The following TCF3 variants were observed in gnomAD, a reference collection of about 807,000 sequenced individuals.
The protein encoded by TCF3 is transcription factor E2-alpha.
TCF3 carries 54 observed loss-of-function variants against 72.3 expected under a neutral mutation model. That is an observed-to-expected ratio of 0.75 (90% confidence interval 0.60 to 0.94). TCF3 has a LOEUF of 0.94. Ranked by LOEUF, TCF3 falls within the 40% of genes least tolerant of loss-of-function variation. The pLI is 0.00. For missense variants in TCF3, 1,078 were observed against 934.4 expected (o/e 1.15, Z -2.00); for synonymous variants, 525 against 412.6 (o/e 1.27, Z -3.30).
intron 3 of TCF3, among the ~76,000 whole-genome samples, chr19:1,644,205 A>G (rs1194809054): frequency 6.6e-6 from 1 of 152,156 alleles, no homozygotes; most frequent in Non-Finnish European, 1.5e-5. Context: ...GCTGAACCTG[A>G]CGATGGAAGA....
intron 11 of TCF3, 110 bp downstream of exon 11, chr19:1,621,728 G>T: frequency 7.3e-7 from 1 of 1,374,232 alleles, no homozygotes; most frequent in South Asian, 1.5e-5. Flanking sequence ...CGCTCTCAGG[G>T]CCAGCAGACG....
chr19:1,641,130 C>G (rs929321571), intron 3 of TCF3, among the ~76,000 whole-genome samples: 1 of 147,954 alleles, frequency 6.8e-6, no homozygotes, highest in African/African-American at 2.5e-5. Flanking sequence ...CCACTGCACT[C>G]CAGCCTGGGC....
Position 1,651,449 on chromosome 19 carries a change from C to G in TCF3, c.-40+851G>C, listed in dbSNP as rs184899399. Reference sequence around the variant, plus strand: ...TTTTTTGGAGGGCGTGTGAAACTGACTTTTTTTGAGGACTACGAAACCGCA... The same window carrying G: ...TTTTTTGGAGGGCGTGTGAAACTGAGTTTTTTTGAGGACTACGAAACCGCA... On this transcript the variant is annotated intron_variant, in intron 1 of 18. Coordinates refer to ENST00000262965, the MANE Select transcript of TCF3 (RefSeq NM_003200.5). 2.7e-3 allele frequency: 608 copies of G among 225,924 alleles called. 2 individuals are homozygous for G. Among genetic ancestry groups the G allele is most frequent in the Non-Finnish European group, 4.2e-3 (471 of 113,410 alleles). The allele number at this position is 225,924 out of a possible 1,614,324, so 14.0% of individuals were successfully genotyped here.
At chr19:1,624,620 T>C (rs529317705) in intron 7 of TCF3, among the ~76,000 whole-genome samples, 1 of 152,304 alleles carries the variant, frequency 6.6e-6, no homozygotes, top group South Asian at 2.1e-4. Context: ...CACTAGGGGC[T>C]GCTGTTTGCA....
Position 1,615,780 on chromosome 19 carries a change from T to C in TCF3, c.1492A>G (p.Lys498Glu), listed in dbSNP as rs375879528. 6.3e-7 allele frequency: 1 copy of C among 1,589,130 alleles called. No individual in the cohort carries two copies. The highest frequency in any genetic ancestry group is 1.3e-5 in the African/African-American group (1 of 74,516). ...TCCTCGTCCTCCTTCTCCTCCCGCT[T>C]GATCTCGCTGGCGGCCGCCGTGGCA... ...AGATAAASEI[K>E]REEKEDEENT... The change falls in exon 17 of 19, where the codon AAG (lysine) becomes GAG (glutamate). Residue 498 changes from lysine to glutamate, a missense_variant. Lys to Glu is a moderately conservative substitution (Grantham distance 56, BLOSUM62 1). Coordinates refer to ENST00000262965, the MANE Select transcript of TCF3 (RefSeq NM_003200.5). This position sits in a 1 kb window ranked among gnomAD's most constrained non-coding sequence, Gnocchi z 7.3.
At position 1,619,812 on chromosome 19, in the gene TCF3, A is replaced by T; in HGVS notation, c.1135T>A (p.Ser379Thr). ...WPRAGAPGALSPSYDGGLHGL... is the reference protein window; with the variant it reads ...WPRAGAPGALTPSYDGGLHGL... ...TGGAGACCCCCGTCGTAGCTGGGCGATAAGGCACCGGGGGCTCCTGCTCGA... is the reference window on the plus strand; with the variant it reads ...TGGAGACCCCCGTCGTAGCTGGGCGTTAAGGCACCGGGGGCTCCTGCTCGA... The change falls in exon 14 of 19, where the codon TCG becomes ACG. Residue 379 changes from serine to threonine, a missense_variant. Ser to Thr is a moderately conservative substitution (Grantham distance 58). Coordinates refer to ENST00000262965, the MANE Select transcript of TCF3 (RefSeq NM_003200.5). 6.4e-7 allele frequency: 1 copy of T among 1,572,806 alleles called. No homozygotes were observed. The highest frequency in any genetic ancestry group is 8.6e-7 in the Non-Finnish European group (1 of 1,160,088).
In TCF3 at chr19:1,611,535, T is replaced by C. The variant is rs2145702382; in HGVS notation, c.*172A>G. On this transcript the variant is annotated 3_prime_UTR_variant, in exon 19 of 19. Coordinates refer to ENST00000262965, the MANE Select transcript of TCF3 (RefSeq NM_003200.5). ...GGCCCCAGGGAGCTCCTGGACCCAG[T>C]GTCACCTTGGCCGCCCCCATCACTC... 1 of 877,420 alleles carries C rather than the reference T, an allele frequency of 1.1e-6. No individual in the cohort carries two copies. Among genetic ancestry groups the C allele is most frequent in the Non-Finnish European group, 1.7e-6 (1 of 602,484 alleles). 54.4% of individuals were successfully genotyped at this position (877,420 alleles called of 1,614,324 possible).
chr19:1,645,058 G>A (rs1453630889), intron 3 of TCF3, among the ~76,000 whole-genome samples: 2 of 152,066 alleles, frequency 1.3e-5, no homozygotes, highest in Non-Finnish European at 2.9e-5. Flanking sequence ...ACGTAGAGGG[G>A]AAGGCCAGTG....
chr19:1,624,826 T>G (rs567881769), intron 7 of TCF3, among the ~76,000 whole-genome samples: 140 of 152,218 alleles, frequency 9.2e-4, no homozygotes, highest in African/African-American at 3.2e-3. Context: ...CTTTTACGTT[T>G]TTGTGCTTTT....
At chr19:1,630,258 G>T (rs537779741) in intron 5 of TCF3, among the ~76,000 whole-genome samples, 1 of 152,180 alleles carries the variant, frequency 6.6e-6, no homozygotes, top group Admixed American at 6.5e-5. Flanking sequence ...CCGGCAGGGG[G>T]GCGGGGCCAG....
intron 3 of TCF3, among the ~76,000 whole-genome samples, chr19:1,633,534 T>C (rs961846659): frequency 6.6e-6 from 1 of 152,056 alleles, no homozygotes; most frequent in African/African-American, 2.4e-5. Flanking sequence ...GGTGCCTTTG[T>C]GTTAATCATT....
At chr19:1,651,961 C>T (rs972549831) in intron 1 of TCF3, among the ~76,000 whole-genome samples, 3 of 151,142 alleles carry the variant, frequency 2.0e-5, no homozygotes, top group African/African-American at 7.3e-5. Context: ...GGTCCCCGTG[C>T]GCCCGGGCTG....
chr19:1,621,928 A>G lies in TCF3; in HGVS notation c.865T>C (p.Ser289Pro), dbSNP rs2062279036. 1.9e-6 allele frequency: 3 copies of G among 1,605,232 alleles called. No individual in the cohort carries two copies. Among genetic ancestry groups the G allele is most frequent in the Non-Finnish European group, 2.5e-6 (3 of 1,177,020 alleles). Residue 289 changes from serine (S) to proline (P), a missense_variant, in exon 11 of 19, where the codon TCT becomes CCT. Transcript: ENST00000262965. ...HGAEVNGGLPSASSFSSAPGA... is the reference protein window; with the variant it reads ...HGAEVNGGLPPASSFSSAPGA... ...GGGGCTGAGGAGAAGGAGGATGCAG[A>G]TGGGAGCCCACCGTTCACCTCTGCT... is the stretch of plus-strand genomic sequence containing the variant.
intron 18 of TCF3, chr19:1,612,140 C>A: frequency 6.8e-7 from 1 of 1,470,412 alleles, no homozygotes; most frequent in Non-Finnish European, 9.1e-7. Context: ...ACAGGAGGAC[C>A]CCAGCATCTG....
In TCF3 at chr19:1,610,810, C is replaced by T. The variant is rs80101129; in HGVS notation, c.*897G>A. 2,952 of 229,330 alleles carry T rather than the reference C, an allele frequency of 0.013. 34 individuals carry two copies. The highest frequency in any genetic ancestry group is 0.02 in the Non-Finnish European group (2,320 of 116,198). The allele number at this position is 229,330 out of a possible 1,614,324, so 14.2% of individuals were successfully genotyped here. On this transcript the variant is annotated 3_prime_UTR_variant, in exon 19 of 19. Transcript: ENST00000262965. ...CGGCAGGGAAGCCCCAAGGTGCCTT[C>T]ATCAGGGAACGCCCACGCATCACTT... is the stretch of plus-strand genomic sequence containing the variant.
In TCF3 at chr19:1,610,576, G is replaced by C. The variant is rs913821453; in HGVS notation, c.*1131C>G. ...GCTCCAGGGTGTGGTCCCCATGCCA[G>C]GGGTCACTGGTCCCAACAAAATGCC... On this transcript the variant is annotated 3_prime_UTR_variant, in exon 19 of 19. Coordinates refer to ENST00000262965, the MANE Select transcript of TCF3 (RefSeq NM_003200.5). 1.7e-5 allele frequency: 4 copies of C among 231,570 alleles called. No homozygotes were observed. The highest frequency in any genetic ancestry group is 8.9e-5 in the African/African-American group (4 of 45,184). 14.3% of individuals were successfully genotyped at this position (231,570 alleles called of 1,614,324 possible).
chr19:1,644,054 C>A (rs1190649798), intron 3 of TCF3, among the ~76,000 whole-genome samples: 3 of 152,152 alleles, frequency 2.0e-5, no homozygotes, highest in Admixed American at 2.0e-4. Context: ...GATCCCACAG[C>A]TCCGGGGCTC....
rs2060909586 is a variant in TCF3 at position 1,610,556 on chromosome 19, A to G, written c.*1151T>C. The G allele has an allele frequency of 8.6e-6, 2 of 231,316 alleles. No individual in the cohort carries two copies. Among genetic ancestry groups the G allele is most frequent in the African/African-American group, 2.2e-5 (1 of 45,170 alleles). The allele number at this position is 231,316 out of a possible 1,614,324, so 14.3% of individuals were successfully genotyped here. A position where few individuals can be genotyped will look rare whatever the true frequency, so the allele number is the denominator to read the frequency against. ...CAGGAGGTCCCCAGCACCGGGCTCCAGGGTGTGGTCCCCATGCCAGGGGTC... is the reference window on the plus strand; with the variant it reads ...CAGGAGGTCCCCAGCACCGGGCTCCGGGGTGTGGTCCCCATGCCAGGGGTC... On this transcript the variant is annotated 3_prime_UTR_variant, in exon 19 of 19. Coordinates refer to ENST00000262965, the MANE Select transcript of TCF3 (RefSeq NM_003200.5).
chr19:1,619,349 G>A lies in TCF3; in HGVS notation c.1293C>T (p.Gly431=), dbSNP rs1052696. 0.08 allele frequency: 125,946 copies of A among 1,583,088 alleles called. 6,053 individuals carry two copies. Among genetic ancestry groups the A allele is most frequent in the East Asian group, 0.26 (11,385 of 44,084 alleles). The part of the protein sequence containing the change: ...GHGALASGFT[G]PMSLGGRHAG... ...CGTGCCGCCCGCCCAGTGACATGGG[G>A]CCGGTGAAACCTGAGGCCAGCGCCC... The change falls in exon 15 of 19, where the codon GGC becomes GGT. Residue 431 remains glycine, a synonymous_variant. Coordinates refer to ENST00000262965, the MANE Select transcript of TCF3 (RefSeq NM_003200.5).
Sources: gnomAD v4.1 joint callset for allele counts (sites outside exome capture counted in the v4.1 genomes callset) on GRCh38, gnomAD v4.1.1 for gene constraint, Gnocchi (gnomAD v3.1) non-coding constraint, MANE v1.5 for transcripts, NCBI Gene and HGNC (gene_info 2026-07-23, HGNC 2026-07-21) for gene names.